TULP4: variants seen among roughly 807,000 people sequenced by gnomAD.
The protein encoded by TULP4 is TUB like protein 4, also known as tubby-related protein 4.
A neutral mutation model predicts 129.0 loss-of-function variants in TULP4; 16 were observed. The observed-to-expected ratio is 0.12, with a 90% CI of 0.08 to 0.19. The LOEUF (loss-of-function observed/expected upper bound fraction) is 0.19, where lower values mean the gene tolerates loss of function less well. Ranked by LOEUF, TULP4 falls within the 10% of genes least tolerant of loss-of-function variation. The pLI, the probability that TULP4 is intolerant of heterozygous loss-of-function variation, is 1.00. For missense variants in TULP4, 1,842 were observed against 2,059.1 expected (o/e 0.89, Z 2.04); for synonymous variants, 998 against 854.0 (o/e 1.17, Z -2.94).
intron 1 of TULP4, among the ~76,000 whole-genome samples, chr6:158,259,458 T>C (rs2128456568): frequency 1.3e-5 from 2 of 152,350 alleles, no homozygotes; most frequent in Admixed American, 1.3e-4. Context: ...TGGAATTCAG[T>C]TGGGATTGAA....
At chr6:158,429,374 A>T (rs1778577681) in intron 2 of TULP4, among the ~76,000 whole-genome samples, 1 of 152,236 alleles carries the variant, frequency 6.6e-6, no homozygotes, top group Admixed American at 6.5e-5. Context: ...CCTGACCTCA[A>T]GTAATCTGCC....
At chr6:158,498,108 A>G (rs1562591926) in intron 11 of TULP4, among the ~76,000 whole-genome samples, 2 of 152,254 alleles carry the variant, frequency 1.3e-5, no homozygotes, top group Admixed American at 6.5e-5. Context: ...GAAATTCCCT[A>G]TAAATCTCTA....
chr6:158,475,183 G>A (rs961109198), intron 6 of TULP4, among the ~76,000 whole-genome samples: 2 of 152,238 alleles, frequency 1.3e-5, no homozygotes, highest in African/African-American at 4.8e-5. Flanking sequence ...GGGCTGGCCC[G>A]CATCTTTTCC....
chr6:158,274,074 A>G (rs1778596883), intron 1 of TULP4, among the ~76,000 whole-genome samples: 1 of 151,904 alleles, frequency 6.6e-6, no homozygotes, highest in Admixed American at 6.6e-5. Context: ...CCTGGCCAAC[A>G]TAGTGAAACC....
At chr6:158,504,878 G>T (rs1292269392) in intron 13 of TULP4, among the ~76,000 whole-genome samples, 2 of 152,212 alleles carry the variant, frequency 1.3e-5, no homozygotes, top group Non-Finnish European at 2.9e-5. Context: ...CCTAAGGAAT[G>T]TGAGGGTTAG....
At chr6:158,303,404 A>G (rs1335523858) in intron 1 of TULP4, among the ~76,000 whole-genome samples, 1 of 152,134 alleles carries the variant, frequency 6.6e-6, no homozygotes, top group Non-Finnish European at 1.5e-5. Context: ...GTTTTTATTA[A>G]GGATTTCAAA....
chr6:158,395,580 T>TG (rs1402465157), intron 1 of TULP4, among the ~76,000 whole-genome samples: 3 of 110,246 alleles, frequency 2.7e-5, no homozygotes, highest in African/African-American at 1.0e-4. Context: ...AAACTCTGTC[T>TG]AAAAAAAAAA....
intron 2 of TULP4, among the ~76,000 whole-genome samples, chr6:158,429,265 A>G (rs1355036407): frequency 2.0e-5 from 3 of 152,188 alleles, no homozygotes; most frequent in Admixed American, 2.0e-4. Context: ...CTGCCTCCCA[A>G]GTGGCTAGGA....
intron 1 of TULP4, among the ~76,000 whole-genome samples, chr6:158,395,331 A>T (rs1777681850): frequency 6.6e-6 from 1 of 152,150 alleles, no homozygotes; most frequent in Admixed American, 6.5e-5. Context: ...CTGTAATCCC[A>T]GCACTTTGGG....
At chr6:158,390,333 C>T (rs1416716064) in intron 1 of TULP4, among the ~76,000 whole-genome samples, 7 of 150,992 alleles carry the variant, frequency 4.6e-5, no homozygotes, top group African/African-American at 1.7e-4. Context: ...TTACCTCTAC[C>T]TAATTGTATG....
chr6:158,263,789 G>A (rs4710173), intron 1 of TULP4, among the ~76,000 whole-genome samples: 25,175 of 151,710 alleles, frequency 0.17, 2,791 homozygotes, highest in East Asian at 0.43. Flanking sequence ...CAGGCTGGGC[G>A]CGGTGGCTCA....
chr6:158,336,165 A>G (rs1369715222), intron 1 of TULP4, among the ~76,000 whole-genome samples: 1 of 152,206 alleles, frequency 6.6e-6, no homozygotes, highest in Admixed American at 6.5e-5. Context: ...TGTGGTTTTA[A>G]TTTGGATATC....
chr6:158,344,810 A>G (rs1050279754), intron 1 of TULP4, among the ~76,000 whole-genome samples: 1 of 152,236 alleles, frequency 6.6e-6, no homozygotes, highest in Admixed American at 6.5e-5. Context: ...AAAGCTAGAA[A>G]TGAGTAACTC....
In TULP4 at chr6:158,503,454, G is replaced by A; in HGVS notation, c.3791G>A (p.Ser1264Asn). ...QLPPVALHPW[S>N]SYSACPPMQN... ...CCACCTGTCGCCTTGCATCCATGGA[G>A]TTCCTACAGCGCCTGCCCGCCCATG... Residue 1264 changes from serine (S) to asparagine (N), a missense_variant, in exon 13 of 14, where the codon AGT becomes AAT. Ser to Asn is a conservative substitution (Grantham distance 46). Around this residue, in one of 5 missense-constraint regions of TULP4, gnomAD observed 1,089 missense variants for 987.1 expected, o/e 1.10. Transcript: ENST00000367097. The surrounding 1 kb of genome is among the most constrained non-coding windows in gnomAD (Gnocchi z 4.3). 1 of 1,614,016 alleles carries A rather than the reference G, an allele frequency of 6.2e-7. No homozygotes were observed. Among genetic ancestry groups the A allele is most frequent in the East Asian group, 2.2e-5 (1 of 44,870 alleles).
intron 1 of TULP4, among the ~76,000 whole-genome samples, chr6:158,355,763 T>C (rs780673742): frequency 8.5e-5 from 13 of 152,244 alleles, no homozygotes; most frequent in Non-Finnish European, 1.3e-4. Flanking sequence ...TCTCAACTTA[T>C]GAGTGGATGC....
chr6:158,390,096 C>T (rs1331409750), intron 1 of TULP4, among the ~76,000 whole-genome samples: 1 of 151,354 alleles, frequency 6.6e-6, no homozygotes, highest in African/African-American at 2.4e-5. Context: ...ATTTAAATTA[C>T]GTAAGTCATT....
intron 1 of TULP4, among the ~76,000 whole-genome samples, chr6:158,317,068 G>T (rs1386239142): frequency 1.3e-5 from 2 of 152,178 alleles, no homozygotes; most frequent in African/African-American, 4.8e-5. Context: ...CAGGGGGTGT[G>T]GTTTTAGAAT....
At chr6:158,239,611 C>A (rs1230427556) in intron 1 of TULP4, among the ~76,000 whole-genome samples, 1 of 63,110 alleles carries the variant, frequency 1.6e-5, no homozygotes, top group African/African-American at 5.3e-5. Context: ...ACCTCCCTCC[C>A]GGACGGGGCG....
chr6:158,504,015 G>C lies in TULP4; in HGVS notation c.4352G>C (p.Ser1451Thr), dbSNP rs1345792286. 6.2e-7 allele frequency: 1 copy of C among 1,612,450 alleles called. No individual in the cohort carries two copies. The highest frequency in any genetic ancestry group is 8.5e-7 in the Non-Finnish European group (1 of 1,179,350). Reference sequence around the variant, plus strand: ...GAGGAGGCCAAGTGCCGGCGGGCCAGTGAGAAGGAGGACGGGCGGCTGGGC... The same window carrying C: ...GAGGAGGCCAAGTGCCGGCGGGCCACTGAGAAGGAGGACGGGCGGCTGGGC... ...ELEEAKCRRA[S>T]EKEDGRLGSQ... is the part of the protein sequence containing the mutation. Residue 1451 changes from serine to threonine, a missense_variant, in exon 13 of 14, where the codon AGT becomes ACT. Coordinates refer to ENST00000367097, the MANE Select transcript of TULP4 (RefSeq NM_020245.5).
Sources: allele counts gnomAD v4.1 joint callset (sites outside exome capture counted in the v4.1 genomes callset), GRCh38; gene constraint gnomAD v4.1.1; regional missense constraint gnomAD v4.1.1; non-coding constraint Gnocchi (gnomAD v3.1); transcripts MANE v1.5; gene names NCBI Gene and HGNC (gene_info 2026-07-23, HGNC 2026-07-21).